Variants in KMO observed in about 807,000 individuals in gnomAD.
The protein encoded by KMO is kynurenine 3-monooxygenase.
A neutral mutation model predicts 57.8 loss-of-function variants in KMO; 24 were observed. The observed-to-expected ratio is 0.42, with a 90% CI of 0.30 to 0.58. KMO has a LOEUF of 0.58. Among genes scored for constraint, KMO ranks in the 20% least tolerant of loss-of-function variants. KMO has a pLI of 0.22. For synonymous variants in KMO, 210 were observed against 193.6 expected (o/e 1.08, Z -0.70); for missense variants, 483 against 588.2 (o/e 0.82, Z 1.85).
chr1:241,540,004 T>C (rs1229568936), intron 1 of KMO, among the ~76,000 whole-genome samples: 1 of 152,218 alleles, frequency 6.6e-6, no homozygotes, highest in East Asian at 1.9e-4. Context: ...TAAATGCTTT[T>C]ACTTCAGACA....
At chr1:241,591,425 CAAAAAAA>C (rs35070185) in intron 14 of KMO, among the ~76,000 whole-genome samples, 3 of 140,154 alleles carry the variant, frequency 2.1e-5, no homozygotes, top group African/African-American at 7.8e-5. Flanking sequence ...ATTTCTCTGT[CAAAAAAA>C]AAAAAAGAAA....
intron 10 of KMO, among the ~76,000 whole-genome samples, chr1:241,585,706 G>A (rs894717459): frequency 6.7e-6 from 1 of 150,248 alleles, no homozygotes; most frequent in African/African-American, 2.4e-5. Context: ...GAAGTGAGCC[G>A]AGATTGTGCT....
chr1:241,584,643 TTG>T (rs143821756), intron 10 of KMO, among the ~76,000 whole-genome samples: 1 of 152,028 alleles, frequency 6.6e-6, no homozygotes, highest in East Asian at 1.9e-4. Flanking sequence ...GAATCCTAAT[TTG>T]TGTGTGTGTG....
intron 1 of KMO, among the ~76,000 whole-genome samples, chr1:241,545,483 C>T (rs1661111433): frequency 1.3e-5 from 2 of 152,134 alleles, no homozygotes; most frequent in Non-Finnish European, 2.9e-5. Context: ...CTCTCCATGG[C>T]TTGTAGATGG....
In KMO at chr1:241,588,789, G is replaced by A. The variant is rs1445512410; in HGVS notation, c.1057G>A (p.Asp353Asn). ...PVFSRLRIPD[D>N]HAISDLSMYN... is the part of the protein sequence containing the mutation. ...GTTCTCAAGATTGAGAATCCCAGAT[G>A]ATCACGCGATTTCAGACCTATCCAT... Residue 353 changes from aspartate to asparagine, a missense_variant, in exon 12 of 15, where the codon GAT becomes AAT. Physicochemically the swap from Asp to Asn is conservative, Grantham distance 23. Transcript: ENST00000366559. The A allele has an allele frequency of 6.2e-6, 10 of 1,613,456 alleles. No homozygotes were observed. Among genetic ancestry groups the A allele is most frequent in the Non-Finnish European group, 8.5e-6 (10 of 1,179,716 alleles).
intron 1 of KMO, among the ~76,000 whole-genome samples, chr1:241,542,914 CA>C (rs1442099436): frequency 6.6e-6 from 1 of 152,164 alleles, no homozygotes; most frequent in Non-Finnish European, 1.5e-5. Flanking sequence ...AAGAAAATTA[CA>C]GTCTGAAAGC....
intron 4 of KMO, among the ~76,000 whole-genome samples, chr1:241,552,098 C>T (rs928516589): frequency 6.6e-6 from 1 of 151,876 alleles, no homozygotes; most frequent in African/African-American, 2.4e-5. Context: ...ATCAGAAAAG[C>T]TAAATGAGGA....
At position 241,561,039 on chromosome 1, in the gene KMO, G is replaced by A. The variant is rs546995893; in HGVS notation, c.449+287G>A. Among the ~76,000 whole-genome samples, 42 of 152,036 alleles carry A rather than the reference G, an allele frequency of 2.8e-4. No homozygotes were observed. In the South Asian group the frequency reaches 7.7e-3, roughly 28 times the overall value. On this transcript the variant is annotated intron_variant, in intron 6 of 14. Coordinates refer to ENST00000366559, the MANE Select transcript of KMO (RefSeq NM_003679.5). ...AAACTCTCTCCTCTCTCAAATATAC[G>A]TGACCCTCCACTGCTCTCCTCCTGT...
At chr1:241,553,286 T>C (rs1181716229) in intron 4 of KMO, among the ~76,000 whole-genome samples, 3 of 152,228 alleles carry the variant, frequency 2.0e-5, no homozygotes, top group Admixed American at 2.0e-4. Flanking sequence ...TCCAAAGATA[T>C]GGAGTAGACT....
chr1:241,594,476 G>T lies in KMO; in HGVS notation c.*2323G>T. On this transcript the variant is annotated 3_prime_UTR_variant, in exon 15 of 15. Coordinates refer to ENST00000366559, the MANE Select transcript of KMO (RefSeq NM_003679.5). ...CATCAACTTTGGACCCATTGGTTTT[G>T]TCGCTGTCGTCAACTGACAGTGATT... 6.2e-7 allele frequency: 1 copy of T among 1,614,096 alleles called. No individual in the cohort carries two copies. The highest frequency in any genetic ancestry group is 1.1e-5 in the South Asian group (1 of 91,088).
At chr1:241,591,476 G>A (rs1181980152) in intron 14 of KMO, among the ~76,000 whole-genome samples, 2 of 151,708 alleles carry the variant, frequency 1.3e-5, no homozygotes, top group South Asian at 4.2e-4. Flanking sequence ...GAAAGCACCT[G>A]ACTCAGGCTG....
Position 241,587,528 on chromosome 1 carries a change from G to C in KMO, c.1015+792G>C, listed in dbSNP as rs546284585. Among the ~76,000 whole-genome samples the C allele has an allele frequency of 4.6e-5, 7 of 152,160 alleles. No individual in the cohort carries two copies. In the East Asian group the frequency reaches 1.4e-3, roughly 29 times the overall value. On this transcript the variant is annotated intron_variant, in intron 11 of 14. Coordinates refer to ENST00000366559, the MANE Select transcript of KMO (RefSeq NM_003679.5). ...CTGAAGTTCAGTGGCCTCAGTCTTG[G>C]CTCACTGCAACCTCCGCCTCCTCTC...
chr1:241,579,707 C>T (rs1020781877), intron 10 of KMO, among the ~76,000 whole-genome samples: 1 of 152,126 alleles, frequency 6.6e-6, no homozygotes, highest in Non-Finnish European at 1.5e-5. Flanking sequence ...ACTCCCCTCC[C>T]AGTCCACCCA....
intron 1 of KMO, among the ~76,000 whole-genome samples, chr1:241,542,281 A>G (rs544175359): frequency 6.6e-6 from 1 of 152,326 alleles, no homozygotes; most frequent in South Asian, 2.1e-4. Flanking sequence ...GCATACCTCA[A>G]CATTTATAGA....
chr1:241,589,915 G>T, intron 12 of KMO, 97 bp from the exon 13 acceptor site: 2 of 927,488 alleles, frequency 2.2e-6, no homozygotes, highest in South Asian at 1.4e-5. Context: ...CTTTGTGTTT[G>T]GCATTGCGAT....
Position 241,594,537 on chromosome 1 carries a change from T to C in KMO, c.*2384T>C, listed in dbSNP as rs1663437806. 1 of 1,613,882 alleles carries C rather than the reference T, an allele frequency of 6.2e-7. No homozygotes were observed. Among genetic ancestry groups the C allele is most frequent in the African/African-American group, 1.3e-5 (1 of 74,926 alleles). ...GATGATAAAAATGATGGAAGAAGAG[T>C]TGAAAGTCACTTTTTTCTTTGGCCT... On this transcript the variant is annotated 3_prime_UTR_variant, in exon 15 of 15. Transcript: ENST00000366559.
intron 10 of KMO, among the ~76,000 whole-genome samples, chr1:241,572,562 G>C (rs2050508): frequency 0.99 from 151,339 of 152,102 alleles, 75,297 homozygotes; most frequent in East Asian, 1. Flanking sequence ...TTAGCCTCAA[G>C]TTCATTTTTG....
intron 10 of KMO, among the ~76,000 whole-genome samples, chr1:241,576,246 C>T (rs987519401): frequency 1.2e-4 from 18 of 151,762 alleles, no homozygotes; most frequent in East Asian, 3.9e-4. Context: ...AGGAGCATTT[C>T]GACAATTTAC....
At chr1:241,559,831 G>T (rs1396771398) in intron 5 of KMO, among the ~76,000 whole-genome samples, 3 of 152,020 alleles carry the variant, frequency 2.0e-5, no homozygotes, top group Admixed American at 2.0e-4. Flanking sequence ...CACTTTGTGT[G>T]ATCTCAGGCA....
Sources: allele counts gnomAD v4.1 joint callset (sites outside exome capture counted in the v4.1 genomes callset), GRCh38; gene constraint gnomAD v4.1.1; transcripts MANE v1.5; gene names NCBI Gene and HGNC (gene_info 2026-07-23, HGNC 2026-07-21).